Variants in CBFB observed in about 807,000 individuals in gnomAD.
CBFB encodes the protein core-binding factor subunit beta.
Under a neutral mutation model 30.4 loss-of-function variants are expected in CBFB, and 9 were observed. The ratio of observed to expected loss-of-function variants is 0.30; its 90% CI spans 0.18 to 0.52. The LOEUF is 0.52. CBFB is among the 20% of genes least tolerant of loss of function. The pLI, the probability that CBFB is intolerant of heterozygous loss-of-function variation, is 0.97. For missense variants in CBFB, 170 were observed against 244.0 expected (o/e 0.70, Z 2.02); for synonymous variants, 94 against 84.0 (o/e 1.12, Z -0.65).
intron 5 of CBFB, among the ~76,000 whole-genome samples, chr16:67,097,046 G>T (rs1347265235): frequency 6.6e-6 from 1 of 151,664 alleles, no homozygotes; most frequent in Non-Finnish European, 1.5e-5. Flanking sequence ...ACCAGCCCTG[G>T]CAACATGGTG....
intron 4 of CBFB, among the ~76,000 whole-genome samples, chr16:67,075,197 A>ATATATGTGTGTGTG (rs369475383): frequency 7.0e-6 from 1 of 142,662 alleles, no homozygotes; most frequent in Non-Finnish European, 1.5e-5. Flanking sequence ...CTCAAAAAAA[A>ATATATGTGTGTGTG]TGTGTGTGTG....
intron 3 of CBFB, among the ~76,000 whole-genome samples, chr16:67,045,046 TACTC>T (rs1454440483): frequency 2.6e-5 from 4 of 152,312 alleles, no homozygotes; most frequent in Admixed American, 6.5e-5. Flanking sequence ...TAAACTATAA[TACTC>T]TAATAATAAC....
rs1348682453 is a variant in CBFB at position 67,029,401 on chromosome 16, C to G, written c.-7C>G. 6.5e-7 allele frequency: 1 copy of G among 1,547,192 alleles called. No individual in the cohort carries two copies. The highest frequency in any genetic ancestry group is 1.2e-5 in the South Asian group (1 of 83,978). ...GCGGCCGGCCGGCGCGGCCTCAGGG[C>G]GGGAAGATGCCGCGCGTCGTGCCCG... is the stretch of plus-strand genomic sequence containing the variant. On this transcript the variant is annotated 5_prime_UTR_variant, in exon 1 of 6. Coordinates refer to ENST00000412916, the MANE Select transcript of CBFB (RefSeq NM_022845.3).
Position 67,099,397 on chromosome 16 carries a change from A to G in CBFB, c.*619A>G, listed in dbSNP as rs1239276289. On this transcript the variant is annotated 3_prime_UTR_variant, in exon 6 of 6. Transcript: ENST00000412916. ...TATTAAAGTTGCAGTATCCTTTTAA[A>G]TGCTAGTAATCAGCACTCTTTCTTT... 9.1e-6 allele frequency: 2 copies of G among 219,088 alleles called. No homozygotes were observed. The highest frequency in any genetic ancestry group is 1.3e-4 in the East Asian group (2 of 14,988). 13.6% of individuals were successfully genotyped at this position (219,088 alleles called of 1,614,324 possible). A position where few individuals can be genotyped will look rare whatever the true frequency, so the allele number is the denominator to read the frequency against.
In CBFB at chr16:67,029,361, G is replaced by C; in HGVS notation, c.-47G>C. 2 of 1,377,192 alleles carry C rather than the reference G, an allele frequency of 1.5e-6. No homozygotes were observed. The highest frequency in any genetic ancestry group is 1.5e-5 in the South Asian group (1 of 65,852). The allele number at this position is 1,377,192 out of a possible 1,614,324, so 85.3% of individuals were successfully genotyped here. On this transcript the variant is annotated 5_prime_UTR_variant, in exon 1 of 6. Transcript: ENST00000412916. ...GCGCGGAGCCAGCCAGCGGGTGCCCGCGCAAGCCCCGAGCGCGGCCGGCCG... is the reference window on the plus strand; with the variant it reads ...GCGCGGAGCCAGCCAGCGGGTGCCCCCGCAAGCCCCGAGCGCGGCCGGCCG...
intron 3 of CBFB, among the ~76,000 whole-genome samples, chr16:67,065,759 C>G (rs977377608): frequency 5.3e-5 from 8 of 152,108 alleles, no homozygotes; most frequent in African/African-American, 1.7e-4. Context: ...GTTAACTTAC[C>G]AGTTTCTAGA....
chr16:67,075,206 T>TGG (rs1961356595), intron 4 of CBFB, among the ~76,000 whole-genome samples: 1 of 134,752 alleles, frequency 7.4e-6, no homozygotes, highest in Non-Finnish European at 1.5e-5. Flanking sequence ...AATGTGTGTG[T>TGG]GTGTGTGTGT....
At chr16:67,050,402 T>C (rs1385087696) in intron 3 of CBFB, among the ~76,000 whole-genome samples, 2 of 151,738 alleles carry the variant, frequency 1.3e-5, no homozygotes, top group African/African-American at 4.8e-5. Flanking sequence ...ATCCTATATA[T>C]GTGCTGTTTT....
At chr16:67,029,861 C>T (rs761765905) in intron 2 of CBFB, 48 bp downstream of exon 2, 6 of 1,408,634 alleles carry the variant, frequency 4.3e-6, no homozygotes, top group Non-Finnish European at 5.8e-6. Flanking sequence ...TTGCGCGGGG[C>T]CGCGGCGGCC....
chr16:67,059,549 T>C (rs574602093), intron 3 of CBFB, among the ~76,000 whole-genome samples: 36 of 152,326 alleles, frequency 2.4e-4, no homozygotes, highest in Non-Finnish European at 1.9e-4. Flanking sequence ...GAAACATATC[T>C]GTAAGCCCAA....
At chr16:67,075,351 A>G (rs936128100) in intron 4 of CBFB, among the ~76,000 whole-genome samples, 3 of 152,152 alleles carry the variant, frequency 2.0e-5, no homozygotes, top group Admixed American at 6.6e-5. Flanking sequence ...ATGCAAATGA[A>G]AAGGATTCAG....
chr16:67,084,329 C>T (rs1961657043), intron 5 of CBFB, among the ~76,000 whole-genome samples: 2 of 151,946 alleles, frequency 1.3e-5, no homozygotes, highest in South Asian at 2.1e-4. Context: ...ATAGAAAAAG[C>T]ACACATTCAT....
At chr16:67,059,274 T>C (rs927613235) in intron 3 of CBFB, among the ~76,000 whole-genome samples, 1 of 152,208 alleles carries the variant, frequency 6.6e-6, no homozygotes, top group Non-Finnish European at 1.5e-5. Flanking sequence ...GATACTTAAA[T>C]TTCAAAACAC....
chr16:67,051,592 A>G (rs1441661988), intron 3 of CBFB, among the ~76,000 whole-genome samples: 1 of 151,972 alleles, frequency 6.6e-6, no homozygotes, highest in Non-Finnish European at 1.5e-5. Context: ...ACTTAACTAA[A>G]TTAGTTTTCT....
intron 5 of CBFB, among the ~76,000 whole-genome samples, chr16:67,085,148 GTGTGTGTGTGTGTCTCTGTGTGTGTCTC>G (rs1313684382): frequency 9.9e-4 from 151 of 152,066 alleles, no homozygotes; most frequent in African/African-American, 3.6e-3. Flanking sequence ...TAAATTGTGT[GTGTGTGTGTGTGTCTCTGTGTGTGTCTC>G]TGTGTGTGTG....
At chr16:67,049,592 T>C (rs1966703311) in intron 3 of CBFB, among the ~76,000 whole-genome samples, 1 of 151,812 alleles carries the variant, frequency 6.6e-6, no homozygotes, top group South Asian at 2.1e-4. Flanking sequence ...CCTCCCAGGC[T>C]CAAGCGATTC....
chr16:67,093,766 G>A (rs1393378115), intron 5 of CBFB: 1 of 152,162 alleles, frequency 6.6e-6, no homozygotes, highest in Non-Finnish European at 1.5e-5. Flanking sequence ...TTAGAATCAA[G>A]GCCCTATGGC....
At chr16:67,043,101 CA>C (rs1451192663) in intron 3 of CBFB, among the ~76,000 whole-genome samples, 1 of 152,122 alleles carries the variant, frequency 6.6e-6, no homozygotes, top group East Asian at 1.9e-4. Flanking sequence ...TTATTTGAGT[CA>C]CTTGTTGCTT....
intron 2 of CBFB, among the ~76,000 whole-genome samples, chr16:67,031,204 A>ATT (rs1439254607): frequency 6.6e-6 from 1 of 152,240 alleles, no homozygotes; most frequent in Non-Finnish European, 1.5e-5. Flanking sequence ...TACTGGTTAA[A>ATT]TTTATCAGGA....
Sources: allele counts gnomAD v4.1 joint callset (sites outside exome capture counted in the v4.1 genomes callset), GRCh38; gene constraint gnomAD v4.1.1; transcripts MANE v1.5; gene names NCBI Gene and HGNC (gene_info 2026-07-23, HGNC 2026-07-21).